Variants in CD177 observed in about 807,000 individuals in gnomAD.
CD177 encodes the protein CD177 antigen.
In CD177, 41 loss-of-function variants were observed where a neutral mutation model predicts 38.1. The ratio of observed to expected loss-of-function variants is 1.07; its 90% CI spans 0.84 to 1.39. The LOEUF is 1.39. Ranked by LOEUF, CD177 falls within the 40% of genes most tolerant of loss-of-function variation. The probability of loss-of-function intolerance (pLI) is 0.00; values close to 1 mark genes in which losing one functional copy is unlikely to be tolerated. For missense variants in CD177, 619 were observed against 523.8 expected, an observed-to-expected ratio of 1.18 and a Z score of -1.77; for synonymous variants, 236 against 216.7, an observed-to-expected ratio of 1.09 and a Z score of -0.78.
chr19:43,354,920 A>G (rs1444672161), intron 3 of CD177, among the ~76,000 whole-genome samples: 1 of 151,656 alleles, frequency 6.6e-6, no homozygotes, highest in Admixed American at 6.6e-5. Context: ...GGCTCGTTCC[A>G]GGGCACCCCC....
chr19:43,360,400 A>G lies in CD177; in HGVS notation c.755A>G (p.Asp252Gly). 1.3e-6 allele frequency: 2 copies of G among 1,595,734 alleles called. No individual in the cohort carries two copies. The highest frequency in any genetic ancestry group is 1.1e-5 in the South Asian group (1 of 88,060). The change falls in exon 6 of 9, where the codon GAT becomes GGT. Residue 252 changes from aspartate (D) to glycine (G), a missense_variant. Physicochemically the swap from Asp to Gly is moderately conservative, Grantham distance 94. Coordinates refer to ENST00000618265, the MANE Select transcript of CD177 (RefSeq NM_020406.4). ...TGTCAGGAGACGCTGCTGCTCCTAG[A>G]TGTAGGTACGTGGACTGAGGTAGAA... ...QVCQETLLLL[D>G]VGLTSTLVGT...
At position 43,362,135 on chromosome 19, in the gene CD177, T is replaced by G. The variant is rs1202158677; in HGVS notation, c.1129T>G (p.Ser377Ala). The G allele has an allele frequency of 1.2e-6, 2 of 1,613,676 alleles. No individual in the cohort carries two copies. Among genetic ancestry groups the G allele is most frequent in the South Asian group, 2.2e-5 (2 of 91,086 alleles). ...CATTCAGGGCTGCGTGGCCCAACCT[T>G]CCAGCTTCTTGTTGAACCACACCAG... ...MSIQGCVAQP[S>A]SFLLNHTRQI... The change falls in exon 9 of 9, where the codon TCC becomes GCC. Residue 377 changes from serine to alanine, a missense_variant. Transcript: ENST00000618265.
chr19:43,354,444 G>A (rs749342449), intron 3 of CD177, 52 bp downstream of exon 3: 10 of 1,584,798 alleles, frequency 6.3e-6, no homozygotes, highest in Admixed American at 3.3e-5. Flanking sequence ...AAGGGGATCC[G>A]CTGAGCACAG....
In CD177 at chr19:43,355,646, C is replaced by T. The variant is rs758943078; in HGVS notation, c.380-15C>T. 152 of 1,612,470 alleles carry T rather than the reference C, an allele frequency of 9.4e-5. 8 individuals are homozygous for T. The Middle Eastern group carries it at 0.017, about 178-fold the overall frequency. ...CCCTCTCAGTGCCCCCTCACTCTGT[C>T]TGTCACTTTCCTAGACCCAGGATCC... is the stretch of plus-strand genomic sequence containing the variant. On this transcript the variant is annotated splice_polypyrimidine_tract_variant and intron_variant, in intron 3 of 8. Coordinates refer to ENST00000618265, the MANE Select transcript of CD177 (RefSeq NM_020406.4).
Position 43,360,386 on chromosome 19 carries a change from G to C in CD177, c.741G>C (p.Thr247=). ...MCEVGQVCQE[T]LLLLDVGLTS... Reference sequence around the variant, plus strand: ...AGGTGGGGCAGGTGTGTCAGGAGACGCTGCTGCTCCTAGATGTAGGTACGT... The same window carrying C: ...AGGTGGGGCAGGTGTGTCAGGAGACCCTGCTGCTCCTAGATGTAGGTACGT... The change falls in exon 6 of 9, where the codon ACG becomes ACC. Residue 247 remains threonine, a synonymous_variant. Coordinates refer to ENST00000618265, the MANE Select transcript of CD177 (RefSeq NM_020406.4). The C allele has an allele frequency of 6.2e-7, 1 of 1,604,712 alleles. No homozygotes were observed. The highest frequency in any genetic ancestry group is 2.2e-5 in the East Asian group (1 of 44,510).
rs750077398 is a variant in CD177, at chr19:43,353,983, C to T, written c.183C>T (p.Leu61=). The T allele has an allele frequency of 4.3e-6, 7 of 1,613,608 alleles. No individual in the cohort carries two copies. Among genetic ancestry groups the T allele is most frequent in the Non-Finnish European group, 5.9e-6 (7 of 1,179,794 alleles). The part of the protein sequence containing the change: ...SGLGCQDTLM[L]IESGPQVSLV... ...TGGGGTGCCAGGACACGTTGATGCT[C>T]ATTGAGAGCGGTGAGAAGGCCCTGG... Residue 61 remains leucine (L), a synonymous_variant, in exon 2 of 9, where the codon CTC becomes CTT. Coordinates refer to ENST00000618265, the MANE Select transcript of CD177 (RefSeq NM_020406.4).
intron 3 of CD177, 127 bp downstream of exon 3, chr19:43,354,519 C>G: frequency 1.1e-6 from 1 of 913,974 alleles, no homozygotes. Flanking sequence ...CTCCATCCCT[C>G]CCCTGACTGC....
chr19:43,363,303 A>T (rs945163082), downstream of CD177: 2 of 152,204 alleles, frequency 1.3e-5, no homozygotes, highest in African/African-American at 4.8e-5. Context: ...CAGAGCTGTT[A>T]TCATTGGGTC....
chr19:43,354,458 G>A (rs187648405), intron 3 of CD177, 66 bp downstream of exon 3: 748 of 1,549,330 alleles, frequency 4.8e-4, no homozygotes, highest in Non-Finnish European at 6.2e-4. Flanking sequence ...AGCACAGAGG[G>A]GCTGTTACGG....
chr19:43,354,082 G>A (rs1419045709), intron 2 of CD177, 89 bp downstream of exon 2: 5 of 1,569,776 alleles, frequency 3.2e-6, no homozygotes, highest in South Asian at 2.4e-5. Context: ...CCCTCCGGGG[G>A]ATCGACTCCT....
At chr19:43,359,743 G>C (rs1312022924) in intron 5 of CD177, among the ~76,000 whole-genome samples, 34 of 90,734 alleles carry the variant, frequency 3.7e-4, no homozygotes, top group African/African-American at 1.6e-3. Context: ...GTGGGGAAAT[G>C]AGGCATCCCA....
At position 43,355,746 on chromosome 19, in the gene CD177, C is replaced by G; in HGVS notation, c.465C>G (p.Thr155=). The G allele has an allele frequency of 6.2e-7, 1 of 1,613,124 alleles. No individual in the cohort carries two copies. The highest frequency in any genetic ancestry group is 1.1e-5 in the South Asian group (1 of 91,024). ...CAGAAGAGATCTGCCCCAAGGGGAC[C>G]ACACACTGTTATGATGGCCTCCTCA... ...GTTEEICPKG[T]THCYDGLLRL... Residue 155 remains threonine (T), a synonymous_variant, in exon 4 of 9, where the codon ACC becomes ACG. Coordinates refer to ENST00000618265, the MANE Select transcript of CD177 (RefSeq NM_020406.4).
chr19:43,360,782 GA>G (rs1969951275), intron 6 of CD177: 1 of 448,704 alleles, frequency 2.2e-6, no homozygotes, highest in Non-Finnish European at 4.1e-6. Context: ...TGAGAAACAG[GA>G]AACAAACAAA....
At chr19:43,355,289 T>C (rs1969910826) in intron 3 of CD177, among the ~76,000 whole-genome samples, 1 of 150,954 alleles carries the variant, frequency 6.6e-6, no homozygotes, top group African/African-American at 2.4e-5. Context: ...AATTTTTGTA[T>C]TTTTAGTAGA....
intron 6 of CD177, chr19:43,360,939 A>C (rs1368124758): frequency 4.6e-5 from 28 of 613,272 alleles, no homozygotes; most frequent in Non-Finnish European, 7.7e-5. Context: ...CCTTTGAGCG[A>C]GAACTGGGAG....
chr19:43,364,026 G>A (rs1228084587), downstream of CD177, among the ~76,000 whole-genome samples: 1 of 152,180 alleles, frequency 6.6e-6, no homozygotes, highest in Non-Finnish European at 1.5e-5. Context: ...AGGCTGCAGT[G>A]AGCCAAGACT....
chr19:43,354,743 T>C (rs1969899125), intron 3 of CD177, among the ~76,000 whole-genome samples: 1 of 152,200 alleles, frequency 6.6e-6, no homozygotes. Flanking sequence ...GCAGGGTTTT[T>C]GCTATTTCCT....
At position 43,353,754 on chromosome 19, in the gene CD177, C is replaced by G; in HGVS notation, c.40C>G (p.Leu14Val). 6.2e-7 allele frequency: 1 copy of G among 1,613,966 alleles called. No homozygotes were observed. Among genetic ancestry groups the G allele is most frequent in the East Asian group, 2.2e-5 (1 of 44,878 alleles). Residue 14 changes from leucine (L) to valine (V), a missense_variant, in exon 1 of 9, where the codon CTC (leucine) becomes GTC (valine). Physicochemically the swap from Leu to Val is conservative, Grantham distance 32. Transcript: ENST00000618265. ...VLLLALLGFI[L>V]PLPGVQALLC... ...ACTGCTGGCCCTCCTGGGGTTCATC[C>G]TCCCACTGCCAGGTGAGTGATGAGC... is the stretch of plus-strand genomic sequence containing the variant.
At position 43,353,959 on chromosome 19, in the gene CD177, G is replaced by A. The variant is rs745611109; in HGVS notation, c.159G>A (p.Leu53=). ...AGAACACCAGCTGCGACAGCGGCTTGGGGTGCCAGGACACGTTGATGCTCA... is the reference window on the plus strand; with the variant it reads ...AGAACACCAGCTGCGACAGCGGCTTAGGGTGCCAGGACACGTTGATGCTCA... ...TPKNTSCDSG[L]GCQDTLMLIE... Residue 53 remains leucine (L), a synonymous_variant, in exon 2 of 9, where the codon TTG becomes TTA. Coordinates refer to ENST00000618265, the MANE Select transcript of CD177 (RefSeq NM_020406.4). The A allele has an allele frequency of 1.2e-6, 2 of 1,613,898 alleles. No individual in the cohort carries two copies. The highest frequency in any genetic ancestry group is 1.7e-6 in the Non-Finnish European group (2 of 1,179,836).
Sources: allele counts gnomAD v4.1 joint callset (sites outside exome capture counted in the v4.1 genomes callset), GRCh38; gene constraint gnomAD v4.1.1; transcripts MANE v1.5; gene names NCBI Gene and HGNC (gene_info 2026-07-23, HGNC 2026-07-21).